Variants in PDZRN4 observed in about 807,000 individuals in gnomAD.
The protein encoded by PDZRN4 is PDZ domain containing ring finger 4.
In PDZRN4, 70 loss-of-function variants were observed where a neutral mutation model predicts 99.0. That is an observed-to-expected ratio of 0.71 (90% CI 0.58 to 0.86). The LOEUF is 0.86. Among genes scored for constraint, PDZRN4 ranks in the 40% least tolerant of loss-of-function variants. PDZRN4 has a pLI of 0.00. For synonymous variants in PDZRN4, 551 were observed against 501.6 expected, an observed-to-expected ratio of 1.10 and a Z score of -1.32; for missense variants, 1,474 against 1,331.2, an observed-to-expected ratio of 1.11 and a Z score of -1.67.
rs1950715165 is a variant in PDZRN4, at chr12:41,188,932, A to G, written c.477A>G (p.Gly159=). ...GCGGCCGCTGGGGCCGCGGGCGGGGACCCGGGCCTCGGGTCCTCGCCTGGA... is the reference window on the plus strand; with the variant it reads ...GCGGCCGCTGGGGCCGCGGGCGGGGGCCCGGGCCTCGGGTCCTCGCCTGGA... ...PPGGRWGRGR[G]PGPRVLAWRR... The change falls in exon 1 of 10, where the codon GGA becomes GGG. Residue 159 remains glycine (G), a synonymous_variant. Coordinates refer to ENST00000402685, the MANE Select transcript of PDZRN4 (RefSeq NM_001164595.2). The G allele has an allele frequency of 2.7e-5, 32 of 1,188,026 alleles. No individual in the cohort carries two copies. The highest frequency in any genetic ancestry group is 1.1e-4 in the East Asian group (3 of 26,746). The allele number at this position is 1,188,026 out of a possible 1,614,324, so 73.6% of individuals were successfully genotyped here.
At chr12:41,231,975 TG>T (rs1229833044) in intron 3 of PDZRN4, among the ~76,000 whole-genome samples, 1 of 152,040 alleles carries the variant, frequency 6.6e-6, no homozygotes, top group East Asian at 1.9e-4. Flanking sequence ...AAATTATAAT[TG>T]TTTTAATAAG....
At chr12:41,195,635 G>A (rs1007268880) in intron 3 of PDZRN4, among the ~76,000 whole-genome samples, 3 of 152,100 alleles carry the variant, frequency 2.0e-5, no homozygotes, top group African/African-American at 4.8e-5. Flanking sequence ...TATCTAAAGA[G>A]GTCTCTTGTA....
intron 7 of PDZRN4, among the ~76,000 whole-genome samples, chr12:41,557,914 C>T (rs1939196193): frequency 6.6e-6 from 1 of 152,036 alleles, no homozygotes; most frequent in Non-Finnish European, 1.5e-5. Flanking sequence ...TCTTGTTGAC[C>T]ACTGCATTTC....
Position 41,566,310 on chromosome 12 carries a change from C to T in PDZRN4, c.1468-1473C>T, listed in dbSNP as rs546001966. ...TTTTGACCTGATTAAAGAAAAATTC[C>T]TTGATGTGTTTGTGAATAGTAAGCA... On this transcript the variant is annotated intron_variant, in intron 8 of 9. Coordinates refer to ENST00000402685, the MANE Select transcript of PDZRN4 (RefSeq NM_001164595.2). Among the ~76,000 whole-genome samples, 8 of 152,122 alleles carry T rather than the reference C, an allele frequency of 5.3e-5. No individual in the cohort carries two copies. The South Asian group carries it at 1.0e-3, about 20-fold the overall frequency.
At chr12:41,262,082 C>A (rs1214444717) in intron 3 of PDZRN4, among the ~76,000 whole-genome samples, 1 of 152,148 alleles carries the variant, frequency 6.6e-6, no homozygotes, top group African/African-American at 2.4e-5. Flanking sequence ...CCATTGCCTC[C>A]CCCGTGATTC....
At chr12:41,474,341 T>G (rs149197886) in intron 3 of PDZRN4, among the ~76,000 whole-genome samples, 214 of 152,328 alleles carry the variant, frequency 1.4e-3, no homozygotes, top group African/African-American at 4.7e-3. Context: ...TAAAATTATT[T>G]TTAATCTCTC....
At chr12:41,325,391 A>G (rs1951702833) in intron 3 of PDZRN4, among the ~76,000 whole-genome samples, 1 of 152,252 alleles carries the variant, frequency 6.6e-6, no homozygotes, top group Admixed American at 6.5e-5. Context: ...TTGTGATTAC[A>G]GTATCTTCGT....
chr12:41,483,338 G>A (rs1937712363), intron 3 of PDZRN4, among the ~76,000 whole-genome samples: 1 of 152,090 alleles, frequency 6.6e-6, no homozygotes, highest in African/African-American at 2.4e-5. Flanking sequence ...ATATCAAGAA[G>A]AGTGAAAAAT....
intron 3 of PDZRN4, among the ~76,000 whole-genome samples, chr12:41,405,230 C>T (rs1453962681): frequency 1.3e-5 from 2 of 151,792 alleles, no homozygotes; most frequent in Non-Finnish European, 2.9e-5. Flanking sequence ...TAACCAGAAT[C>T]GATAATGAAC....
At chr12:41,468,533 T>TA in intron 3 of PDZRN4, among the ~76,000 whole-genome samples, 1 of 152,206 alleles carries the variant, frequency 6.6e-6, no homozygotes, top group Non-Finnish European at 1.5e-5. Flanking sequence ...TTTCCTTTTC[T>TA]AAAAATGTAC....
At chr12:41,348,433 G>A (rs1951869227) in intron 3 of PDZRN4, among the ~76,000 whole-genome samples, 1 of 152,084 alleles carries the variant, frequency 6.6e-6, no homozygotes, top group Admixed American at 6.6e-5. Flanking sequence ...TATGCCTTAG[G>A]TTGAATTAAG....
At chr12:41,315,770 A>G (rs1951634505) in intron 3 of PDZRN4, among the ~76,000 whole-genome samples, 1 of 152,052 alleles carries the variant, frequency 6.6e-6, no homozygotes, top group Non-Finnish European at 1.5e-5. Context: ...AATTTATTAT[A>G]CTCATTTAAA....
intron 3 of PDZRN4, among the ~76,000 whole-genome samples, chr12:41,236,763 A>G (rs1276700801): frequency 6.6e-6 from 1 of 152,070 alleles, no homozygotes; most frequent in African/African-American, 2.4e-5. Flanking sequence ...TTTTCTTCCC[A>G]CTTTATTAGC....
At chr12:41,312,557 T>G (rs1260867082) in intron 3 of PDZRN4, among the ~76,000 whole-genome samples, 1 of 152,164 alleles carries the variant, frequency 6.6e-6, no homozygotes, top group Non-Finnish European at 1.5e-5. Context: ...CAGTTCCACA[T>G]GGCTGGGGAG....
chr12:41,536,341 C>T, intron 5 of PDZRN4, among the ~76,000 whole-genome samples: 1 of 152,114 alleles, frequency 6.6e-6, no homozygotes, highest in East Asian at 1.9e-4. Context: ...TCTAAAAAGA[C>T]TACATACTGT....
intron 3 of PDZRN4, among the ~76,000 whole-genome samples, chr12:41,480,636 T>G (rs1369607119): frequency 6.6e-6 from 1 of 152,154 alleles, no homozygotes. Context: ...GCTATTAATT[T>G]TTTCCCAATA....
intron 3 of PDZRN4, among the ~76,000 whole-genome samples, chr12:41,242,979 T>C (rs1951110444): frequency 1.3e-5 from 2 of 152,250 alleles, no homozygotes; most frequent in Non-Finnish European, 2.9e-5. Flanking sequence ...CAGTGTGTGT[T>C]GGTCCTAATG....
At chr12:41,389,454 A>C (rs1326577221) in intron 3 of PDZRN4, among the ~76,000 whole-genome samples, 1 of 152,206 alleles carries the variant, frequency 6.6e-6, no homozygotes, top group East Asian at 1.9e-4. Flanking sequence ...GAATTTAGAA[A>C]GTAGCTAGTT....
chr12:41,192,773 GTTCT>G (rs1213816426), intron 2 of PDZRN4, among the ~76,000 whole-genome samples: 1 of 152,140 alleles, frequency 6.6e-6, no homozygotes, highest in Admixed American at 6.5e-5. Flanking sequence ...CCCAAACCGA[GTTCT>G]TTGTTTGATT....
Sources: allele counts gnomAD v4.1 joint callset (sites outside exome capture counted in the v4.1 genomes callset), GRCh38; gene constraint gnomAD v4.1.1; transcripts MANE v1.5; gene names NCBI Gene and HGNC (gene_info 2026-07-23, HGNC 2026-07-21).